Variants in IFI35 observed in about 807,000 individuals in gnomAD.
IFI35 encodes interferon induced protein 35, also known as interferon-induced 35 kDa protein.
In IFI35, 30 loss-of-function variants were observed where a neutral mutation model predicts 28.6. The ratio of observed to expected loss-of-function variants is 1.05; its 90% CI spans 0.79 to 1.43. IFI35 has a LOEUF of 1.43. IFI35 is among the 40% of genes most tolerant of loss of function. The pLI, the probability that IFI35 is intolerant of heterozygous loss-of-function variation, is 0.00. For missense variants in IFI35, 372 were observed against 356.9 expected (o/e 1.04, Z -0.34); for synonymous variants, 146 against 154.8 (o/e 0.94, Z 0.42).
In IFI35 at chr17:43,012,608, C is replaced by T. The variant is rs1055934872; in HGVS notation, c.120+331C>T. 5 of 237,730 alleles carry T rather than the reference C, an allele frequency of 2.1e-5. No individual in the cohort carries two copies. The East Asian group carries it at 4.7e-4, about 22-fold the overall frequency. The allele number at this position is 237,730 out of a possible 1,614,324, so 14.7% of individuals were successfully genotyped here. ...CAAAAATTAGCTGGGTTTGGTGGCA[C>T]ATGCCTGTAATCCCAGCTACTTGGG... On this transcript the variant is annotated intron_variant, in intron 2 of 6. Coordinates refer to ENST00000415816, the MANE Select transcript of IFI35 (RefSeq NM_001330230.2).
chr17:43,014,033 G>A (rs923885763), intron 6 of IFI35, 75 bp from the exon 7 acceptor site: 6 of 1,463,640 alleles, frequency 4.1e-6, no homozygotes, highest in Non-Finnish European at 5.7e-6. Flanking sequence ...TACCCCCATG[G>A]GGCACTGCCT....
At chr17:43,009,678 G>A (rs918322099) in intron 1 of IFI35, among the ~76,000 whole-genome samples, 2 of 151,964 alleles carry the variant, frequency 1.3e-5, no homozygotes, top group African/African-American at 2.4e-5. Flanking sequence ...GCTTGAACCC[G>A]GGAGTCAGAG....
rs748648651 is a variant in IFI35, at chr17:43,012,250, G to T, written c.93G>T (p.Lys31Asn). 3.8e-6 allele frequency: 6 copies of T among 1,575,710 alleles called. No homozygotes were observed. In the South Asian group the frequency reaches 7.0e-5, roughly 18 times the overall value. ...TGTGGGACCTGCAGCAGCTGAGAAA[G>T]GAGCTCGGGGACTCCCCCAAAGACA... Reference protein sequence around the residue: ...MRLWDLQQLRKELGDSPKDKV... With the variant: ...MRLWDLQQLRNELGDSPKDKV... The change falls in exon 2 of 7, where the codon AAG (lysine) becomes AAT (asparagine). Residue 31 changes from lysine to asparagine, a missense_variant. Lys to Asn is a moderately conservative substitution (Grantham distance 94). Transcript: ENST00000415816.
In IFI35 at chr17:43,013,239, AGTACTGACCCT is replaced by A. The variant is rs1172490304; in HGVS notation, c.269-25_269-15del. 6.2e-7 allele frequency: 1 copy of A among 1,614,102 alleles called. No homozygotes were observed. The highest frequency in any genetic ancestry group is 1.7e-5 in the Admixed American group (1 of 60,008). ...CAGGAGGGAGGTGGGGAGGGTTCCC[AGTACTGACCCT>A]GTTTCCCACCACCCAGTGGCTGAGC... On this transcript the variant is annotated splice_polypyrimidine_tract_variant and intron_variant, in intron 3 of 6. Transcript: ENST00000415816.
At position 43,013,210 on chromosome 17, in the gene IFI35, G is replaced by C; in HGVS notation, c.268+16G>C. 6.2e-7 allele frequency: 1 copy of C among 1,614,116 alleles called. No homozygotes were observed. Among genetic ancestry groups the C allele is most frequent in the Non-Finnish European group, 8.5e-7 (1 of 1,179,988 alleles). On this transcript the variant is annotated intron_variant, in intron 3 of 6. Coordinates refer to ENST00000415816, the MANE Select transcript of IFI35 (RefSeq NM_001330230.2). ...GACCCCAAAGGTAAGCTCATGGGGA[G>C]CCTCAGGAGGGAGGTGGGGAGGGTT...
At chr17:43,011,421 A>T (rs2050457420) in intron 1 of IFI35, among the ~76,000 whole-genome samples, 1 of 152,156 alleles carries the variant, frequency 6.6e-6, no homozygotes, top group Admixed American at 6.5e-5. Flanking sequence ...TGGGAGGCTG[A>T]GGCAGGAGAA....
chr17:43,012,257 G>T lies in IFI35; in HGVS notation c.100G>T (p.Gly34Trp). The change falls in exon 2 of 7, where the codon GGG becomes TGG. Residue 34 changes from glycine (G) to tryptophan (W), a missense_variant. Gly to Trp is a radical substitution (Grantham distance 184). Transcript: ENST00000415816. ...WDLQQLRKEL[G>W]DSPKDKVPFS... Reference sequence around the variant, plus strand: ...CCTGCAGCAGCTGAGAAAGGAGCTCGGGGACTCCCCCAAAGACAAGGTAAG... The same window carrying T: ...CCTGCAGCAGCTGAGAAAGGAGCTCTGGGACTCCCCCAAAGACAAGGTAAG... 6.4e-7 allele frequency: 1 copy of T among 1,573,692 alleles called. No homozygotes were observed.
intron 6 of IFI35, 90 bp downstream of exon 6, chr17:43,013,972 C>T: frequency 1.6e-6 from 2 of 1,277,736 alleles, no homozygotes; most frequent in South Asian, 2.7e-5. Context: ...AGGCCCCAAA[C>T]CCCACTGACC....
intron 6 of IFI35, 51 bp downstream of exon 6, chr17:43,013,933 T>C (rs897394863): frequency 4.3e-6 from 6 of 1,403,248 alleles, no homozygotes; most frequent in African/African-American, 1.4e-5. Context: ...CCTGTCTGCC[T>C]GCCAGGAACT....
At chr17:43,007,608 T>C (rs2050419230) in intron 1 of IFI35, among the ~76,000 whole-genome samples, 1 of 150,984 alleles carries the variant, frequency 6.6e-6, no homozygotes, top group Non-Finnish European at 1.5e-5. Context: ...TGTGGATCAC[T>C]TGAGGTTAGG....
At chr17:43,012,137 A>C (rs1428460958) in intron 1 of IFI35, 42 bp from the exon 2 acceptor site, 1 of 1,419,946 alleles carries the variant, frequency 7.0e-7, no homozygotes, top group Non-Finnish European at 9.6e-7. Context: ...GATTCTCTGG[A>C]AGGGCGGGTA....
At position 43,013,536 on chromosome 17, in the gene IFI35, CTGAG is replaced by C. The variant is rs1567744102; in HGVS notation, c.441_444del (p.Ser147ArgfsTer8). 3.7e-6 allele frequency: 6 copies of C among 1,614,108 alleles called. No homozygotes were observed. ...CACTGGATTTCCTGCCAGCCTCAGG[CTGAG>C]TGAGGAGGAGCTGCTGGACAAGCTA... is the stretch of plus-strand genomic sequence containing the variant. On this transcript the variant is annotated frameshift_variant, in exon 5 of 7. Transcript: ENST00000415816. LOFTEE classifies it high-confidence loss of function.
intron 3 of IFI35, 27 bp from the exon 4 acceptor site, chr17:43,013,240 G>A: frequency 6.2e-7 from 1 of 1,614,112 alleles, no homozygotes; most frequent in South Asian, 1.1e-5. Flanking sequence ...AGGGTTCCCA[G>A]TACTGACCCT....
At chr17:43,011,532 T>G (rs2050458425) in intron 1 of IFI35, among the ~76,000 whole-genome samples, 1 of 151,656 alleles carries the variant, frequency 6.6e-6, no homozygotes, top group Admixed American at 6.6e-5. Context: ...AATAAATAAA[T>G]AAATAAAAAT....
In IFI35 at chr17:43,012,261, A is replaced by G; in HGVS notation, c.104A>G (p.Asp35Gly). ...CAGCAGCTGAGAAAGGAGCTCGGGG[A>G]CTCCCCCAAAGACAAGGTAAGGTGG... is the stretch of plus-strand genomic sequence containing the variant. ...DLQQLRKELGDSPKDKVPFSV... is the reference protein window; with the variant it reads ...DLQQLRKELGGSPKDKVPFSV... The change falls in exon 2 of 7, where the codon GAC becomes GGC. Residue 35 changes from aspartate (D) to glycine (G), a missense_variant. Coordinates refer to ENST00000415816, the MANE Select transcript of IFI35 (RefSeq NM_001330230.2). The G allele has an allele frequency of 6.4e-7, 1 of 1,571,372 alleles. No homozygotes were observed.
intron 1 of IFI35, among the ~76,000 whole-genome samples, chr17:43,008,236 G>A (rs1198957696): frequency 2.0e-5 from 3 of 150,160 alleles, no homozygotes; most frequent in Non-Finnish European, 3.0e-5. Context: ...GAGTTTCACC[G>A]TGTTAGCCGG....
chr17:43,008,128 G>A (rs1367978598), intron 1 of IFI35, among the ~76,000 whole-genome samples: 8 of 140,490 alleles, frequency 5.7e-5, no homozygotes, highest in African/African-American at 1.9e-4. Context: ...TCTGCCTCCC[G>A]GGTTCAAGCG....
chr17:43,013,243 C>G (rs1278027805), intron 3 of IFI35, 24 bp from the exon 4 acceptor site: 1 of 1,613,998 alleles, frequency 6.2e-7, no homozygotes, highest in Admixed American at 1.7e-5. Context: ...GTTCCCAGTA[C>G]TGACCCTGTT....
rs1405141914 is a variant in IFI35, at chr17:43,006,952, C to T, written c.5C>T (p.Ser2Leu). The T allele has an allele frequency of 6.2e-7, 1 of 1,614,084 alleles. No homozygotes were observed. Among genetic ancestry groups the T allele is most frequent in the Admixed American group, 1.7e-5 (1 of 60,020 alleles). Residue 2 changes from serine to leucine, a missense_variant, in exon 1 of 7, where the codon TCA becomes TTA. Ser to Leu is a moderately radical substitution (Grantham distance 145). Coordinates refer to ENST00000415816, the MANE Select transcript of IFI35 (RefSeq NM_001330230.2). M[S>L]APLDAALHAL... Reference sequence around the variant, plus strand: ...TGCCAAACAGACCCGAGACCCATGTCAGCCCCACTGGATGCCGTAAGTGAG... The same window carrying T: ...TGCCAAACAGACCCGAGACCCATGTTAGCCCCACTGGATGCCGTAAGTGAG...
Sources: allele counts gnomAD v4.1 joint callset (sites outside exome capture counted in the v4.1 genomes callset), GRCh38; gene constraint gnomAD v4.1.1; transcripts MANE v1.5; gene names NCBI Gene and HGNC (gene_info 2026-07-23, HGNC 2026-07-21).